Variants in BCAR3 observed in about 807,000 individuals in gnomAD.
The protein encoded by BCAR3 is BCAR3 adaptor protein, NSP family member, also known as breast cancer anti-estrogen resistance protein 3.
BCAR3 carries 37 observed loss-of-function variants against 80.1 expected under a neutral mutation model. The ratio of observed to expected loss-of-function variants is 0.46; its 90% CI spans 0.36 to 0.61. BCAR3 has a LOEUF of 0.61. Ranked by LOEUF, BCAR3 falls within the 20% of genes least tolerant of loss-of-function variation. The pLI is 0.00. For synonymous variants in BCAR3, 389 were observed against 418.9 expected, an observed-to-expected ratio of 0.93 and a Z score of 0.87; for missense variants, 978 against 1,068.2, an observed-to-expected ratio of 0.92 and a Z score of 1.18.
chr1:93,734,912 C>A (rs1650922897), intron 2 of BCAR3, among the ~76,000 whole-genome samples: 1 of 152,184 alleles, frequency 6.6e-6, no homozygotes, highest in Admixed American at 6.5e-5. Context: ...GAGTGGTCCT[C>A]CCTCACTCCC....
intron 2 of BCAR3, among the ~76,000 whole-genome samples, chr1:93,800,339 C>T (rs916203049): frequency 2.0e-5 from 3 of 152,012 alleles, no homozygotes; most frequent in Admixed American, 6.6e-5. Context: ...CTTGGGAGGC[C>T]AAGGTGGGCA....
chr1:93,844,056 C>T (rs1032594533), intron 2 of BCAR3, among the ~76,000 whole-genome samples: 60 of 152,322 alleles, frequency 3.9e-4, no homozygotes, highest in African/African-American at 1.4e-3. Flanking sequence ...CGGTAGCTCA[C>T]GCCTCACTTT....
rs143452549 is a variant in BCAR3 at position 93,834,514 on chromosome 1, A to G, written c.-63+11053T>C. Among the ~76,000 whole-genome samples the G allele has an allele frequency of 7.4e-3, 1,123 of 152,256 alleles. 10 individuals are homozygous for G. Among genetic ancestry groups the G allele is most frequent in the Non-Finnish European group, 0.011 (740 of 68,014 alleles). ...CATCCCAACCTTTTTCATTACACAC[A>G]GCTGAAGTGCAGGGCCGTGTGGTTA... On this transcript the variant is annotated intron_variant, in intron 2 of 13. Coordinates refer to the BCAR3 transcript ENST00000370244.
intron 3 of BCAR3, among the ~76,000 whole-genome samples, chr1:93,697,880 A>C (rs1462909349): frequency 6.6e-6 from 1 of 152,240 alleles, no homozygotes; most frequent in African/African-American, 2.4e-5. Context: ...CGGGAGGCTA[A>C]GGCAGGAGAA....
At chr1:93,693,384 T>C (rs2101965460) in intron 3 of BCAR3, among the ~76,000 whole-genome samples, 1 of 152,264 alleles carries the variant, frequency 6.6e-6, no homozygotes, top group African/African-American at 2.4e-5. Flanking sequence ...CCTTGAGTGA[T>C]CTCCATGTGA....
intron 2 of BCAR3, among the ~76,000 whole-genome samples, chr1:93,653,200 A>C (rs1427258923): frequency 1.3e-5 from 2 of 152,246 alleles, no homozygotes; most frequent in African/African-American, 4.8e-5. Context: ...TTATTGAATA[A>C]ATTAATGGCT....
intron 3 of BCAR3, among the ~76,000 whole-genome samples, chr1:93,623,314 G>A (rs532271858): frequency 6.6e-6 from 1 of 152,266 alleles, no homozygotes; most frequent in African/African-American, 2.4e-5. Context: ...GAATGGTATA[G>A]ATAGCAGGTG....
chr1:93,833,759 G>T (rs1331265428), intron 2 of BCAR3, among the ~76,000 whole-genome samples: 5 of 152,106 alleles, frequency 3.3e-5, no homozygotes, highest in Non-Finnish European at 7.4e-5. Flanking sequence ...AAGGTGCCTA[G>T]ATTTCATATT....
chr1:93,605,805 A>G (rs1293780004), intron 3 of BCAR3, among the ~76,000 whole-genome samples: 1 of 152,248 alleles, frequency 6.6e-6, no homozygotes. Context: ...GAATTAGGAA[A>G]AGGAGAGTAC....
intron 1 of BCAR3, among the ~76,000 whole-genome samples, chr1:93,846,559 C>G (rs1655194866): frequency 6.6e-6 from 1 of 152,128 alleles, no homozygotes; most frequent in Admixed American, 6.5e-5. Flanking sequence ...AGATTCGTGG[C>G]GACCGCACCC....
chr1:93,624,658 G>C (rs1005462539), intron 3 of BCAR3, among the ~76,000 whole-genome samples: 1 of 152,364 alleles, frequency 6.6e-6, no homozygotes, highest in South Asian at 2.1e-4. Flanking sequence ...TTTGGAGATA[G>C]CTCAGGGATT....
intron 3 of BCAR3, among the ~76,000 whole-genome samples, chr1:93,618,924 GT>G (rs796584340): frequency 0.091 from 12,403 of 135,942 alleles, 742 homozygotes; most frequent in African/African-American, 0.17. Flanking sequence ...GAAGCCGTGG[GT>G]TTTTTTTTTT....
chr1:93,749,179 A>G (rs1011012790), intron 2 of BCAR3, among the ~76,000 whole-genome samples: 1 of 151,858 alleles, frequency 6.6e-6, no homozygotes, highest in Non-Finnish European at 1.5e-5. Flanking sequence ...TTGCATATTA[A>G]TCTCTCACTA....
At chr1:93,568,945 C>T (rs1348579840) in intron 9 of BCAR3, among the ~76,000 whole-genome samples, 3 of 152,206 alleles carry the variant, frequency 2.0e-5, no homozygotes, top group Admixed American at 2.0e-4. Flanking sequence ...CCTCAGCCTT[C>T]TGAGTAGCTG....
chr1:93,763,155 C>T (rs542337573), intron 2 of BCAR3, among the ~76,000 whole-genome samples: 1 of 152,286 alleles, frequency 6.6e-6, no homozygotes, highest in South Asian at 2.1e-4. Flanking sequence ...CCTCAAACTC[C>T]CAGGCTCAGG....
intron 2 of BCAR3, among the ~76,000 whole-genome samples, chr1:93,804,558 A>G (rs1653597383): frequency 6.6e-6 from 1 of 152,206 alleles, no homozygotes; most frequent in Non-Finnish European, 1.5e-5. Flanking sequence ...CAGGCAGTGT[A>G]TATAGTGTGC....
chr1:93,818,793 G>GT (rs1381343838), intron 2 of BCAR3, among the ~76,000 whole-genome samples: 1 of 152,180 alleles, frequency 6.6e-6, no homozygotes, highest in Non-Finnish European at 1.5e-5. Flanking sequence ...GTGTAGGAGA[G>GT]TAAGTGGGTG....
intron 2 of BCAR3, among the ~76,000 whole-genome samples, chr1:93,735,009 AGTTT>A (rs921027563): frequency 2.0e-4 from 31 of 152,056 alleles, no homozygotes; most frequent in Non-Finnish European, 4.3e-4. Context: ...AGCTTCTTGG[AGTTT>A]GTTTAACTGC....
chr1:93,694,478 C>T (rs1257409137), intron 3 of BCAR3, among the ~76,000 whole-genome samples: 1 of 152,216 alleles, frequency 6.6e-6, no homozygotes, highest in East Asian at 1.9e-4. Context: ...CTCTCCTCCA[C>T]TCCACTCTCC....
Sources: gnomAD v4.1 joint callset for allele counts (sites outside exome capture counted in the v4.1 genomes callset) on GRCh38, gnomAD v4.1.1 for gene constraint, MANE v1.5 for transcripts, NCBI Gene and HGNC (gene_info 2026-07-23, HGNC 2026-07-21) for gene names.